The following RAB3GAP1 variants were observed in gnomAD, a reference collection of about 807,000 sequenced individuals.
The protein encoded by RAB3GAP1 is rab3 GTPase-activating protein catalytic subunit.
Under a neutral mutation model 130.7 loss-of-function variants are expected in RAB3GAP1, and 86 were observed. That is an observed-to-expected ratio of 0.66 (90% CI 0.55 to 0.79). The LOEUF is 0.79. RAB3GAP1 is among the 30% of genes least tolerant of loss of function. RAB3GAP1 has a pLI of 0.00. For missense variants in RAB3GAP1, 1,029 were observed against 1,169.4 expected (o/e 0.88, Z 1.75); for synonymous variants, 367 against 401.7 (o/e 0.91, Z 1.03).
chr2:135,115,130 G>C, intron 6 of RAB3GAP1, 86 bp from the exon 7 acceptor site: 1 of 1,316,456 alleles, frequency 7.6e-7, no homozygotes, highest in East Asian at 2.3e-5. Context: ...AAATTCTTGA[G>C]ATTAAAATAA....
At chr2:135,074,909 G>A (rs1039149159) in intron 3 of RAB3GAP1, among the ~76,000 whole-genome samples, 3 of 152,200 alleles carry the variant, frequency 2.0e-5, no homozygotes, top group South Asian at 2.1e-4. Context: ...ATGTATGGAC[G>A]AGATATTTGG....
rs77535003 is a variant in RAB3GAP1 at position 135,168,635 on chromosome 2, C to G, written c.2800C>G (p.Pro934Ala). Residue 934 changes from proline (P) to alanine (A), a missense_variant, in exon 24 of 24, where the codon CCT becomes GCT. Pro to Ala is a conservative substitution (Grantham distance 27, BLOSUM62 -1). Transcript: ENST00000264158. ...GAACTCCGTGTCAGACTTCCCACCC[C>G]CTGCTGGCCGGGAATTCATTTTGCG... ...RQNSVSDFPP[P>A]AGREFILRTT... is the part of the protein sequence containing the mutation. 581 of 1,614,186 alleles carry G rather than the reference C, an allele frequency of 3.6e-4. 3 individuals carry two copies. The East Asian group carries it at 6.6e-3, about 18-fold the overall frequency.
chr2:135,150,667 A>G (rs1692149029), intron 18 of RAB3GAP1, among the ~76,000 whole-genome samples, 161 bp downstream of exon 18: 1 of 152,216 alleles, frequency 6.6e-6, no homozygotes, highest in Non-Finnish European at 1.5e-5. Context: ...CCCAGAGGAC[A>G]TAGTCAAACT....
chr2:135,148,321 A>G (rs573182164), intron 17 of RAB3GAP1, among the ~76,000 whole-genome samples: 1 of 152,286 alleles, frequency 6.6e-6, no homozygotes, highest in African/African-American at 2.4e-5. Flanking sequence ...ATGACTTTAT[A>G]TAGTTGCTTC....
intron 13 of RAB3GAP1, among the ~76,000 whole-genome samples, chr2:135,132,640 A>G (rs1691581089): frequency 6.6e-6 from 1 of 152,198 alleles, no homozygotes; most frequent in African/African-American, 2.4e-5. Flanking sequence ...CTTTCAGCTT[A>G]CAGAATCAAG....
intron 15 of RAB3GAP1, among the ~76,000 whole-genome samples, 170 bp from the exon 16 acceptor site, chr2:135,135,095 A>G (rs1325890874): frequency 6.6e-6 from 1 of 152,130 alleles, no homozygotes; most frequent in Non-Finnish European, 1.5e-5. Flanking sequence ...ATAAATTTTC[A>G]TCTTTTAATT....
Position 135,150,467 on chromosome 2 carries a change from G to A in RAB3GAP1, c.2022G>A (p.Met674Ile). ...SAEGAHLRAR[M>I]QSACLLSDME... ...AGGGGGCTCACCTTCGAGCACGCATGCAGAGTGCCTGTCTGCTCTCAGATA... is the reference window on the plus strand; with the variant it reads ...AGGGGGCTCACCTTCGAGCACGCATACAGAGTGCCTGTCTGCTCTCAGATA... Residue 674 changes from methionine to isoleucine, a missense_variant, in exon 18 of 24, where the codon ATG becomes ATA. Met to Ile is a conservative substitution (Grantham distance 10, BLOSUM62 1). Transcript: ENST00000264158. 6.2e-7 allele frequency: 1 copy of A among 1,614,204 alleles called. No individual in the cohort carries two copies. The highest frequency in any genetic ancestry group is 8.5e-7 in the Non-Finnish European group (1 of 1,180,028).
intron 17 of RAB3GAP1, among the ~76,000 whole-genome samples, chr2:135,139,787 A>G (rs1461740732): frequency 6.6e-6 from 1 of 152,100 alleles, no homozygotes; most frequent in Admixed American, 6.5e-5. Flanking sequence ...AAATGTGGCT[A>G]ATGTTTCTAA....
In RAB3GAP1 at chr2:135,163,100, A is replaced by C; in HGVS notation, c.2605A>C (p.Arg869=). 5 of 1,607,758 alleles carry C rather than the reference A, an allele frequency of 3.1e-6. No homozygotes were observed. The highest frequency in any genetic ancestry group is 4.3e-6 in the Non-Finnish European group (5 of 1,174,142). Residue 869 remains arginine (R), a splice_region_variant and synonymous_variant, in exon 22 of 24, where the codon AGG becomes CGG. Coordinates refer to ENST00000264158, the MANE Select transcript of RAB3GAP1 (RefSeq NM_012233.3). Reference sequence around the variant, plus strand: ...GGAGGAGGAAAAGGAAGATCTTGAAAGGTAATTGCTATTTGGCTAATTCAG... The same window carrying C: ...GGAGGAGGAAAAGGAAGATCTTGAACGGTAATTGCTATTTGGCTAATTCAG... The part of the protein sequence containing the change: ...EQEEEKEDLE[R]FVSCLLEQPE...
chr2:135,164,677 T>C lies in RAB3GAP1; in HGVS notation c.2690T>C (p.Leu897Pro). The change falls in exon 23 of 24, where the codon CTG becomes CCG. Residue 897 changes from leucine to proline, a missense_variant. Physicochemically the swap from Leu to Pro is moderately conservative, Grantham distance 98. Transcript: ENST00000264158. ...CATGCTGGCAGGATCATTCACAAGCTGTTTGTGAATGCCCAGAGGGTATGT... is the reference window on the plus strand; with the variant it reads ...CATGCTGGCAGGATCATTCACAAGCCGTTTGTGAATGCCCAGAGGGTATGT... ...RGHAGRIIHKLFVNAQRAAAM... is the reference protein window; with the variant it reads ...RGHAGRIIHKPFVNAQRAAAM... The C allele has an allele frequency of 6.2e-7, 1 of 1,608,262 alleles. No homozygotes were observed. The highest frequency in any genetic ancestry group is 1.7e-4 in the Middle Eastern group (1 of 5,960).
In RAB3GAP1 at chr2:135,120,863, A is replaced by G. The variant is rs1409864015; in HGVS notation, c.693A>G (p.Arg231=). The change falls in exon 8 of 24, where the codon CGA becomes CGG. Residue 231 remains arginine, a synonymous_variant. Transcript: ENST00000264158. ...TPLPPVSIAI[R]FTYVLQDWQQ... ...TGCCTCCAGTTAGTATTGCTATTCGATTTACCTATGTACTTCAAGATTGGC... is the reference window on the plus strand; with the variant it reads ...TGCCTCCAGTTAGTATTGCTATTCGGTTTACCTATGTACTTCAAGATTGGC... 1 of 1,613,418 alleles carries G rather than the reference A, an allele frequency of 6.2e-7. No homozygotes were observed. Among genetic ancestry groups the G allele is most frequent in the South Asian group, 1.1e-5 (1 of 91,046 alleles).
chr2:135,085,836 A>G (rs989584575), intron 3 of RAB3GAP1, among the ~76,000 whole-genome samples: 1 of 152,158 alleles, frequency 6.6e-6, no homozygotes, highest in Non-Finnish European at 1.5e-5. Context: ...CATGTATGTA[A>G]TTGTTTTAAC....
At chr2:135,131,334 TCCTG>T (rs1393793546) in intron 13 of RAB3GAP1, among the ~76,000 whole-genome samples, 1 of 152,204 alleles carries the variant, frequency 6.6e-6, no homozygotes, top group Non-Finnish European at 1.5e-5. Flanking sequence ...CAAGCAATTC[TCCTG>T]CCTCAGCCTC....
intron 3 of RAB3GAP1, among the ~76,000 whole-genome samples, chr2:135,059,481 A>G (rs1467502155): frequency 5.3e-5 from 8 of 152,236 alleles, no homozygotes; most frequent in Admixed American, 5.2e-4. Flanking sequence ...ATCAGTAAAG[A>G]AACATTAAAA....
Position 135,150,364 on chromosome 2 carries a change from C to T in RAB3GAP1, c.1924-5C>T. On this transcript the variant is annotated splice_region_variant and splice_polypyrimidine_tract_variant and intron_variant, in intron 17 of 23. Transcript: ENST00000264158. ...TTATGAGCCTTGTCCTTTTGTGCTT[C>T]ACAGGAACCAGCACCTATGACAGAA... The T allele has an allele frequency of 6.2e-7, 1 of 1,614,072 alleles. No homozygotes were observed. Among genetic ancestry groups the T allele is most frequent in the Non-Finnish European group, 8.5e-7 (1 of 1,180,006 alleles).
chr2:135,136,200 C>T (rs1224225876), intron 17 of RAB3GAP1, among the ~76,000 whole-genome samples: 1 of 152,124 alleles, frequency 6.6e-6, no homozygotes, highest in Non-Finnish European at 1.5e-5. Context: ...GTGGCGCACA[C>T]CTGTAGTTCC....
At chr2:135,107,114 C>T (rs1210081496) in intron 5 of RAB3GAP1, among the ~76,000 whole-genome samples, 1 of 145,570 alleles carries the variant, frequency 6.9e-6, no homozygotes, top group Admixed American at 6.8e-5. Context: ...AAAAAAAAAA[C>T]CACTGTTGAC....
At chr2:135,105,789 G>A (rs530461237) in intron 5 of RAB3GAP1, among the ~76,000 whole-genome samples, 1 of 152,062 alleles carries the variant, frequency 6.6e-6, no homozygotes, top group African/African-American at 2.4e-5. Flanking sequence ...GAAGTGAGGA[G>A]CGTCTCTGCC....
intron 18 of RAB3GAP1, among the ~76,000 whole-genome samples, chr2:135,152,387 G>C (rs548075547): frequency 1.3e-5 from 2 of 152,352 alleles, no homozygotes; most frequent in South Asian, 4.1e-4. Context: ...CAACCAGAAA[G>C]AAGAATTTTG....
Sources: gnomAD v4.1 joint callset for allele counts (sites outside exome capture counted in the v4.1 genomes callset) on GRCh38, gnomAD v4.1.1 for gene constraint, MANE v1.5 for transcripts, NCBI Gene and HGNC (gene_info 2026-07-23, HGNC 2026-07-21) for gene names.